The following CASD1 variants were observed in gnomAD, a reference collection of about 807,000 sequenced individuals.
CASD1 encodes N-acetylneuraminate (7)9-O-acetyltransferase.
CASD1 carries 41 observed loss-of-function variants against 100.0 expected under a neutral mutation model. That is an observed-to-expected ratio of 0.41 (90% CI 0.32 to 0.53). CASD1 has a LOEUF of 0.53. Ranked by LOEUF, CASD1 falls within the 20% of genes least tolerant of loss-of-function variation. The pLI is 0.25. For synonymous variants in CASD1, 321 were observed against 315.6 expected (o/e 1.02, Z -0.18); for missense variants, 774 against 948.7 (o/e 0.82, Z 2.42).
chr7:94,524,964 T>A (rs1003536824), intron 3 of CASD1, among the ~76,000 whole-genome samples: 3 of 152,112 alleles, frequency 2.0e-5, no homozygotes, highest in Non-Finnish European at 4.4e-5. Context: ...GGACTGTGTA[T>A]TAAATGAGAT....
the CASD1 span, chr7:94,598,879 G>A: frequency 6.2e-7 from 1 of 1,613,334 alleles, no homozygotes; most frequent in Non-Finnish European, 8.5e-7. Flanking sequence ...GCGTTGACAG[G>A]GGCCATGCTA....
chr7:94,585,035 C>T, the CASD1 span: 1 of 156,928 alleles, frequency 6.4e-6, no homozygotes, highest in East Asian at 1.8e-4. Flanking sequence ...GATTTACAGG[C>T]CACAAGAGTT....
chr7:94,586,172 C>G, the CASD1 span, among the ~76,000 whole-genome samples: 1 of 150,100 alleles, frequency 6.7e-6, no homozygotes. Context: ...GACGCAAACT[C>G]TTGTGCCTAA....
At chr7:94,607,813 A>G in the CASD1 span, among the ~76,000 whole-genome samples, 9 of 152,204 alleles carry the variant, frequency 5.9e-5, no homozygotes, top group Non-Finnish European at 1.0e-4. Context: ...TAAAAAGTAT[A>G]CAGATTTGAA....
At position 94,510,153 on chromosome 7, in the gene CASD1, G is replaced by A. The variant is rs779906555; in HGVS notation, c.69G>A (p.Lys23=). The change falls in exon 1 of 18, where the codon AAG becomes AAA. Residue 23 remains lysine (K), a synonymous_variant. Coordinates refer to ENST00000297273, the MANE Select transcript of CASD1 (RefSeq NM_022900.5). ...INHYFSVRSA[K]VLALVAVLLL... is the part of the protein sequence containing the mutation. ...ACTACTTCAGCGTGAGGAGCGCCAA[G>A]GTGCTGGCGCTGGTGGCCGTGCTGC... is the stretch of plus-strand genomic sequence containing the variant. The A allele has an allele frequency of 2.0e-6, 3 of 1,530,750 alleles. No homozygotes were observed. Among genetic ancestry groups the A allele is most frequent in the Non-Finnish European group, 2.6e-6 (3 of 1,137,714 alleles). The allele number at this position is 1,530,750 out of a possible 1,614,324, so 94.8% of individuals were successfully genotyped here.
At chr7:94,580,116 C>T in the CASD1 span, among the ~76,000 whole-genome samples, 1 of 152,186 alleles carries the variant, frequency 6.6e-6, no homozygotes, top group African/African-American at 2.4e-5. Flanking sequence ...CAACAGATTT[C>T]AGACTGGTAT....
chr7:94,539,270 G>T (rs991765049), intron 10 of CASD1, among the ~76,000 whole-genome samples: 2 of 152,042 alleles, frequency 1.3e-5, no homozygotes, highest in Non-Finnish European at 2.9e-5. Flanking sequence ...GGCAATAATT[G>T]CTTTGTATTT....
intron 5 of CASD1, among the ~76,000 whole-genome samples, chr7:94,528,921 T>C (rs2116282103): frequency 6.6e-6 from 1 of 152,290 alleles, no homozygotes; most frequent in Admixed American, 6.5e-5. Flanking sequence ...TTTGTTCAAT[T>C]AATTTCCCTG....
intron 3 of CASD1, among the ~76,000 whole-genome samples, chr7:94,526,543 C>T (rs1172084437): frequency 6.6e-6 from 1 of 152,220 alleles, no homozygotes; most frequent in Non-Finnish European, 1.5e-5. Context: ...AATCCCAGCA[C>T]TTTGGGAGGC....
chr7:94,563,517 T>G, the CASD1 span, among the ~76,000 whole-genome samples: 3 of 152,314 alleles, frequency 2.0e-5, no homozygotes, highest in Middle Eastern at 0.01. Flanking sequence ...CTTGGTAATT[T>G]AGAAGTATTC....
At chr7:94,512,559 T>C (rs980304327) in intron 1 of CASD1, among the ~76,000 whole-genome samples, 1 of 152,234 alleles carries the variant, frequency 6.6e-6, no homozygotes, top group African/African-American at 2.4e-5. Context: ...AAGTAAAGCT[T>C]GGCGAATACT....
chr7:94,579,552 T>G, the CASD1 span, among the ~76,000 whole-genome samples: 1 of 152,218 alleles, frequency 6.6e-6, no homozygotes, highest in African/African-American at 2.4e-5. Flanking sequence ...TATTTTAATT[T>G]TGTGAAATGT....
the CASD1 span, among the ~76,000 whole-genome samples, chr7:94,570,940 C>A: frequency 6.6e-6 from 1 of 151,932 alleles, no homozygotes; most frequent in Non-Finnish European, 1.5e-5. Context: ...TGTTGAGAGT[C>A]CTTTACCCTG....
At chr7:94,614,107 CAAAAAAA>C in the CASD1 span, among the ~76,000 whole-genome samples, 26 of 94,964 alleles carry the variant, frequency 2.7e-4, no homozygotes, top group Admixed American at 1.3e-3. Context: ...AAATTGAAAT[CAAAAAAA>C]AAAAAAAAAA....
chr7:94,531,438 A>G (rs961528376), intron 5 of CASD1, among the ~76,000 whole-genome samples: 4 of 152,170 alleles, frequency 2.6e-5, no homozygotes, highest in Non-Finnish European at 4.4e-5. Flanking sequence ...TATTTTCTCT[A>G]TGAAGTTTGA....
chr7:94,582,983 A>G, the CASD1 span, among the ~76,000 whole-genome samples: 6 of 152,256 alleles, frequency 3.9e-5, no homozygotes, highest in South Asian at 6.2e-4. Context: ...AGGCTGCCCT[A>G]TTTTTGGATG....
intron 3 of CASD1, 77 bp downstream of exon 3, chr7:94,518,400 T>G: frequency 6.2e-6 from 8 of 1,292,836 alleles, no homozygotes; most frequent in Non-Finnish European, 8.4e-6. Flanking sequence ...AGTGTGTCTC[T>G]CCAGATTGAG....
chr7:94,528,284 TTTA>T, intron 5 of CASD1, 34 bp downstream of exon 5: 1 of 1,413,864 alleles, frequency 7.1e-7, no homozygotes, highest in Non-Finnish European at 9.7e-7. Flanking sequence ...TTTTTTTTTT[TTTA>T]TTTTTATTCC....
At chr7:94,512,519 A>C (rs1442835036) in intron 1 of CASD1, among the ~76,000 whole-genome samples, 1 of 152,250 alleles carries the variant, frequency 6.6e-6, no homozygotes, top group African/African-American at 2.4e-5. Context: ...CAAACTACCG[A>C]AAGTAAAGGA....
Sources: allele counts gnomAD v4.1 joint callset (sites outside exome capture counted in the v4.1 genomes callset), GRCh38; gene constraint gnomAD v4.1.1; transcripts MANE v1.5; gene names NCBI Gene and HGNC (gene_info 2026-07-23, HGNC 2026-07-21).